Variants in RAP1A observed in about 807,000 individuals in gnomAD.
RAP1A encodes the protein ras-related protein Rap-1A.
RAP1A carries 6 observed loss-of-function variants against 26.4 expected under a neutral mutation model. That is an observed-to-expected ratio of 0.23 (90% CI 0.12 to 0.45). The LOEUF (loss-of-function observed/expected upper bound fraction) is 0.45, where lower values mean the gene tolerates loss of function less well. Ranked by LOEUF, RAP1A falls within the 20% of genes least tolerant of loss-of-function variation. The pLI is 0.99. For missense variants in RAP1A, 121 were observed against 217.2 expected, an observed-to-expected ratio of 0.56 and a Z score of 2.78; for synonymous variants, 73 against 79.4, an observed-to-expected ratio of 0.92 and a Z score of 0.43.
At chr1:111,660,409 T>C (rs776733744) in intron 1 of RAP1A, among the ~76,000 whole-genome samples, 10 of 151,128 alleles carry the variant, frequency 6.6e-5, no homozygotes, top group Non-Finnish European at 1.3e-4. Flanking sequence ...TTGGTTAGTG[T>C]TCTCTGAACT....
At chr1:111,673,738 G>T (rs1661044015) in intron 1 of RAP1A, among the ~76,000 whole-genome samples, 1 of 152,200 alleles carries the variant, frequency 6.6e-6, no homozygotes, top group African/African-American at 2.4e-5. Flanking sequence ...GAAGAACATA[G>T]AGGTTTTCTA....
rs760713101 is a variant in RAP1A at position 111,713,526 on chromosome 1, G to A, written c.*1125G>A. 9 of 152,146 alleles carry A rather than the reference G, an allele frequency of 5.9e-5. No individual in the cohort carries two copies. The highest frequency in any genetic ancestry group is 1.0e-4 in the Non-Finnish European group (7 of 68,008). The allele number at this position is 152,146 out of a possible 1,614,324, so 9.4% of individuals were successfully genotyped here. A position where few individuals can be genotyped will look rare whatever the true frequency, so the allele number is the denominator to read the frequency against. ...TGCATTGTTAATTTGTTGGGTGTGA[G>A]TCCACCAATGAAGTGTTATGTGAAA... On this transcript the variant is annotated 3_prime_UTR_variant, in exon 8 of 8. Coordinates refer to ENST00000369709, the MANE Select transcript of RAP1A (RefSeq NM_002884.4).
intron 1 of RAP1A, among the ~76,000 whole-genome samples, chr1:111,583,290 TAAA>T (rs33946441): frequency 0.73 from 104,315 of 143,566 alleles, 40,660 homozygotes; most frequent in East Asian, 0.86. Flanking sequence ...GCTCATGCTT[TAAA>T]AAAAAAAAAA....
intron 1 of RAP1A, among the ~76,000 whole-genome samples, chr1:111,686,842 A>G (rs1458001684): frequency 6.6e-6 from 1 of 151,986 alleles, no homozygotes. Flanking sequence ...AGAAAGAAAA[A>G]ATATTTTTAT....
At chr1:111,558,871 T>C (rs1453639115) in intron 1 of RAP1A, among the ~76,000 whole-genome samples, 5 of 152,168 alleles carry the variant, frequency 3.3e-5, no homozygotes, top group African/African-American at 1.2e-4. Context: ...AGGGGATTAT[T>C]TAAACAACAC....
chr1:111,578,619 T>C (rs915721453), intron 1 of RAP1A, among the ~76,000 whole-genome samples: 2 of 152,264 alleles, frequency 1.3e-5, no homozygotes, highest in African/African-American at 4.8e-5. Context: ...TTTTTCCTAC[T>C]CTCTCTGCTC....
upstream of RAP1A, among the ~76,000 whole-genome samples, chr1:111,615,788 G>A (rs1446055582): frequency 3.5e-5 from 5 of 143,894 alleles, no homozygotes; most frequent in African/African-American, 1.3e-4. Context: ...CCAAGACCGT[G>A]CCACTGCACT....
chr1:111,667,098 C>G (rs1660817983), intron 1 of RAP1A, among the ~76,000 whole-genome samples: 1 of 152,114 alleles, frequency 6.6e-6, no homozygotes, highest in Admixed American at 6.5e-5. Context: ...CAACAATGGA[C>G]TAGTTAAGAG....
In RAP1A at chr1:111,714,616, T is replaced by C. The variant is rs556220231; in HGVS notation, c.*2215T>C. 3.9e-5 allele frequency: 6 copies of C among 152,302 alleles called. No homozygotes were observed. The highest frequency in any genetic ancestry group is 3.3e-4 in the Admixed American group (5 of 15,282). The allele number at this position is 152,302 out of a possible 1,614,324, so 9.4% of individuals were successfully genotyped here. On this transcript the variant is annotated 3_prime_UTR_variant, in exon 8 of 8. Transcript: ENST00000369709. ...GGTGGAACTGTCAAGAAAAACGCCT[T>C]TCTGGCACACAGTGATATGCAGAGC... is the stretch of plus-strand genomic sequence containing the variant.
rs535425505 is a variant in RAP1A, at chr1:111,707,805, A to C, written c.469-1344A>C. 2.6e-5 allele frequency among the ~76,000 whole-genome samples: 4 copies of C among 152,324 alleles called. No individual in the cohort carries two copies. In the East Asian group the frequency reaches 7.7e-4, roughly 29 times the overall value. On this transcript the variant is annotated intron_variant, in intron 6 of 7. Coordinates refer to ENST00000369709, the MANE Select transcript of RAP1A (RefSeq NM_002884.4). ...AGAATTAAAATAGTCTGCTTTTATG[A>C]GATAAGTAGCATTGTATTTTTGTCT...
At chr1:111,706,655 C>G in intron 6 of RAP1A, 7 of 937,894 alleles carry the variant, frequency 7.5e-6, no homozygotes, top group Non-Finnish European at 8.9e-6. Context: ...ATTCTGTGTT[C>G]CCTTTAGATT....
rs1662461515 is a variant in RAP1A, at chr1:111,714,005, C to T, written c.*1604C>T. ...AACTAGGTATGAAGAAGTGTTCATG[C>T]CTTGCTGAGATTTTCCAGGCATGTG... On this transcript the variant is annotated 3_prime_UTR_variant, in exon 8 of 8. Transcript: ENST00000369709. 1 of 152,166 alleles carries T rather than the reference C, an allele frequency of 6.6e-6. No homozygotes were observed. The highest frequency in any genetic ancestry group is 2.4e-5 in the African/African-American group (1 of 41,436). The allele number at this position is 152,166 out of a possible 1,614,324, so 9.4% of individuals were successfully genotyped here. A position where few individuals can be genotyped will look rare whatever the true frequency, so the allele number is the denominator to read the frequency against.
Position 111,577,401 on chromosome 1 carries a change from C to CAAAAA in RAP1A, c.-28+34915_-28+34919dup, listed in dbSNP as rs56156855. ...TGGGCAACAGAGCAAGACTCCATCGCAAAAAAAAAAAAAAAAAAAAAAAAA... is the reference window on the plus strand; with the variant it reads ...TGGGCAACAGAGCAAGACTCCATCGCAAAAAAAAAAAAAAAAAAAAAAAAAAAAAA... On this transcript the variant is annotated intron_variant, in intron 1 of 7. Coordinates refer to the RAP1A transcript ENST00000356415. Among the ~76,000 whole-genome samples, 27 of 29,066 alleles carry CAAAAA rather than the reference C, an allele frequency of 9.3e-4. 2 individuals are homozygous for CAAAAA. Among genetic ancestry groups the CAAAAA allele is most frequent in the South Asian group, 5.0e-3 (2 of 404 alleles). The allele number at this position is 29,066 out of a possible 152,430, so 19.1% of individuals were successfully genotyped here.
chr1:111,657,760 A>C (rs1363418657), intron 1 of RAP1A, among the ~76,000 whole-genome samples: 1 of 152,188 alleles, frequency 6.6e-6, no homozygotes, highest in Non-Finnish European at 1.5e-5. Flanking sequence ...TCATTTGACC[A>C]TATATGTGAG....
intron 1 of RAP1A, chr1:111,648,321 A>G (rs559539323): frequency 2.2e-6 from 2 of 923,854 alleles, no homozygotes; most frequent in African/African-American, 3.3e-5. Flanking sequence ...TTGGTCTCAG[A>G]TACCACTTTG....
At chr1:111,635,497 A>G (rs1325438424) in intron 1 of RAP1A, among the ~76,000 whole-genome samples, 2 of 152,238 alleles carry the variant, frequency 1.3e-5, no homozygotes, top group Admixed American at 1.3e-4. Context: ...CTGAGGTACA[A>G]GAAGCACTTA....
At chr1:111,563,919 T>C (rs1657846193) in intron 1 of RAP1A, 1 of 1,613,800 alleles carries the variant, frequency 6.2e-7, no homozygotes, top group Non-Finnish European at 8.5e-7. Flanking sequence ...CTGGCCTCCT[T>C]CTGCTCAATG....
In RAP1A at chr1:111,648,912, C is replaced by T. The variant is rs1660168424; in HGVS notation, c.-28+28978C>T. On this transcript the variant is annotated intron_variant, in intron 1 of 7. Transcript: ENST00000369709. ...AGAGCTGGCAATCTGGGCTTGTAGG[C>T]CTTTTACTTCCCCTTTATGGTTCTT... 3 of 768,232 alleles carry T rather than the reference C, an allele frequency of 3.9e-6. No homozygotes were observed. In the Admixed American group the frequency reaches 5.3e-5, roughly 13 times the overall value. The allele number at this position is 768,232 out of a possible 1,614,324, so 47.6% of individuals were successfully genotyped here. A position where few individuals can be genotyped will look rare whatever the true frequency, so the allele number is the denominator to read the frequency against.
chr1:111,657,461 C>T (rs1660497595), intron 1 of RAP1A, among the ~76,000 whole-genome samples: 1 of 152,098 alleles, frequency 6.6e-6, no homozygotes, highest in Non-Finnish European at 1.5e-5. Context: ...GATACTCAAC[C>T]TGTAGTCCAA....
Sources: gnomAD v4.1 joint callset for allele counts (sites outside exome capture counted in the v4.1 genomes callset) on GRCh38, gnomAD v4.1.1 for gene constraint, MANE v1.5 for transcripts, NCBI Gene and HGNC (gene_info 2026-07-23, HGNC 2026-07-21) for gene names.